SMARCA1: variants seen among roughly 807,000 people sequenced by gnomAD.
SMARCA1 encodes the protein SWI/SNF-related matrix-associated actin-dependent regulator of chromatin subfamily A member 1.
SMARCA1 carries 17 observed loss-of-function variants against 93.6 expected under a neutral mutation model. The ratio of observed to expected loss-of-function variants is 0.18; its 90% CI spans 0.12 to 0.27. The LOEUF (loss-of-function observed/expected upper bound fraction) is 0.27. Ranked by LOEUF, SMARCA1 falls within the 10% of genes least tolerant of loss-of-function variation. SMARCA1 has a pLI of 1.00. For missense variants in SMARCA1, 630 were observed against 819.0 expected (o/e 0.77, Z 2.82); for synonymous variants, 271 against 271.4 (o/e 1.00, Z 0.01).
intron 5 of SMARCA1, among the ~76,000 whole-genome samples, chrX:129,512,851 C>G (rs1469874979): frequency 8.9e-6 from 1 of 111,814 alleles, no homozygotes; most frequent in Admixed American, 9.6e-5. Context: ...TGCACAAAAA[C>G]TAAATTACAA....
Position 129,448,353 on chromosome X carries a change from G to A in SMARCA1, c.3121C>T (p.Arg1041Trp), listed in dbSNP as rs970330289. 3 of 1,203,869 alleles carry A rather than the reference G, an allele frequency of 2.5e-6. No homozygotes were observed. Among genetic ancestry groups the A allele is most frequent in the Admixed American group, 2.2e-5 (1 of 45,740 alleles). Residue 1041 changes from arginine to tryptophan, a missense_variant, in exon 24 of 25, where the codon CGG becomes TGG. Coordinates refer to ENST00000371121, the MANE Select transcript of SMARCA1 (RefSeq NM_001282874.2). ...EERERAEKKK[R>W]ATKTPMSQKR... Reference sequence around the variant, plus strand: ...TTTACCATTGGAGTTTTAGTTGCCCGTTTCTTCTTTTCTGCTCTCTCTCTT... The same window carrying A: ...TTTACCATTGGAGTTTTAGTTGCCCATTTCTTCTTTTCTGCTCTCTCTCTT...
rs1417703311 is a variant in SMARCA1 at position 129,465,746 on chromosome X, CA to C, written c.2818-15del. The C allele has an allele frequency of 8.9e-7, 1 of 1,117,737 alleles. No individual in the cohort carries two copies. The highest frequency in any genetic ancestry group is 2.7e-5 in the Admixed American group (1 of 36,865). The allele number at this position is 1,117,737 out of a possible 1,213,427, so 92.1% of individuals were successfully genotyped here. A position where few individuals can be genotyped will look rare whatever the true frequency, so the allele number is the denominator to read the frequency against. ...GTATCTTGCAATCTGTGTATTTAAA[CA>C]AAATAGTGCTTTTAATTGAATGTGC... On this transcript the variant is annotated splice_polypyrimidine_tract_variant and intron_variant, in intron 22 of 24. Coordinates refer to ENST00000371121, the MANE Select transcript of SMARCA1 (RefSeq NM_001282874.2).
rs769064192 is a variant in SMARCA1 at position 129,487,592 on chromosome X, C to T, written c.2098-455G>A. On this transcript the variant is annotated intron_variant, in intron 16 of 24. Coordinates refer to ENST00000371121, the MANE Select transcript of SMARCA1 (RefSeq NM_001282874.2). ...ACCAGTTTACAAGATATGCAACAAA[C>T]ATAGTAAAATACACCATGGAGATGA... Among the ~76,000 whole-genome samples, 52 of 112,298 alleles carry T rather than the reference C, an allele frequency of 4.6e-4. 1 individual carries two copies. Among genetic ancestry groups the T allele is most frequent in the Non-Finnish European group, 1.9e-4 (10 of 53,187 alleles).
Position 129,506,689 on chromosome X carries a change from C to CAA in SMARCA1, c.967-480_967-479dup, listed in dbSNP as rs1484081895. On this transcript the variant is annotated intron_variant, in intron 7 of 24. Transcript: ENST00000371121. The stretch of plus-strand genomic sequence containing the variant: ...TGGGCAACGGAGTGAAACTCCGTCT[C>CAA]AAAAAAAAAAAAAAAAAAAAAAAAA... Among the ~76,000 whole-genome samples the CAA allele has an allele frequency of 1.9e-3, 89 of 46,291 alleles. 1 individual carries two copies. The highest frequency in any genetic ancestry group is 3.5e-3 in the African/African-American group (41 of 11,607). The allele number at this position is 46,291 out of a possible 115,157, so 40.2% of individuals were successfully genotyped here.
chrX:129,472,761 T>C (rs964987897), intron 19 of SMARCA1, among the ~76,000 whole-genome samples: 2 of 112,296 alleles, frequency 1.8e-5, no homozygotes, highest in Non-Finnish European at 3.8e-5. Flanking sequence ...ATTTGCATTA[T>C]ACTTATCTGT....
chrX:129,496,833 G>T lies in SMARCA1; in HGVS notation c.1543C>A (p.Leu515Met). 8.3e-7 allele frequency: 1 copy of T among 1,205,478 alleles called. No individual in the cohort carries two copies. The highest frequency in any genetic ancestry group is 1.1e-6 in the Non-Finnish European group (1 of 890,466). The change falls in exon 12 of 25, where the codon CTG (leucine) becomes ATG (methionine). Residue 515 changes from leucine to methionine, a missense_variant. Leu to Met is a conservative substitution (Grantham distance 15, BLOSUM62 2). Transcript: ENST00000371121. ...ATGCAATAATCTTCCAAAATATCCA[G>T]CAAGCGAGTCATCTGGCTGAAAATG... ...VLIFSQMTRL[L>M]DILEDYCMWR...
At chrX:129,512,070 T>C in intron 5 of SMARCA1, 87 bp from the exon 6 acceptor site, 1 of 720,344 alleles carries the variant, frequency 1.4e-6, no homozygotes, top group South Asian at 3.0e-5. Flanking sequence ...AAAAGATCTT[T>C]GTCCACTATC....
rs1020281577 is a variant in SMARCA1, at chrX:129,512,087, A to G, written c.631-104T>C. 5.0e-6 allele frequency: 3 copies of G among 600,342 alleles called. No individual in the cohort carries two copies. In the African/African-American group the frequency reaches 6.8e-5, roughly 14 times the overall value. The allele number at this position is 600,342 out of a possible 1,213,427, so 49.5% of individuals were successfully genotyped here. On this transcript the variant is annotated intron_variant, in intron 5 of 24. Coordinates refer to ENST00000371121, the MANE Select transcript of SMARCA1 (RefSeq NM_001282874.2). Reference sequence around the variant, plus strand: ...AAGATCTTTGTCCACTATCTCGCAAAGGCAATTATGTTTCTACCAATGAAA... The same window carrying G: ...AAGATCTTTGTCCACTATCTCGCAAGGGCAATTATGTTTCTACCAATGAAA...
At chrX:129,506,362 G>A (rs1934808613) in intron 7 of SMARCA1, 151 bp from the exon 8 acceptor site, 1 of 446,324 alleles carries the variant, frequency 2.2e-6, no homozygotes, top group Non-Finnish European at 3.9e-6. Context: ...TGACAATGCT[G>A]CAGTGAGGCA....
chrX:129,486,835 T>TAATGAC (rs1556303916), intron 17 of SMARCA1, among the ~76,000 whole-genome samples, 183 bp downstream of exon 17: 6 of 109,922 alleles, frequency 5.5e-5, no homozygotes, highest in African/African-American at 1.7e-4. Flanking sequence ...ATGATGATGA[T>TAATGAC]GACGACGACG....
intron 9 of SMARCA1, among the ~76,000 whole-genome samples, chrX:129,501,257 G>A (rs935214883): frequency 3.6e-5 from 4 of 110,024 alleles, no homozygotes; most frequent in Admixed American, 9.7e-5. Context: ...TTTCCTCATC[G>A]GTTCATCCAA....
chrX:129,467,806 G>A (rs12689665), intron 21 of SMARCA1, among the ~76,000 whole-genome samples: 1,969 of 111,106 alleles, frequency 0.018, 45 homozygotes, highest in East Asian at 0.15. Flanking sequence ...AATTTCAGTG[G>A]TAGGGTTAAA....
intron 23 of SMARCA1, among the ~76,000 whole-genome samples, chrX:129,452,171 G>A (rs1473338160): frequency 8.9e-6 from 1 of 112,636 alleles, no homozygotes; most frequent in Admixed American, 9.4e-5. Flanking sequence ...ATTTCATGAT[G>A]TCAAAAGCAC....
chrX:129,459,288 A>C (rs1384041318), intron 23 of SMARCA1, among the ~76,000 whole-genome samples: 1 of 111,422 alleles, frequency 9.0e-6, no homozygotes, highest in Non-Finnish European at 1.9e-5. Context: ...GCGTGGTGAC[A>C]CATGCCTGTA....
intron 7 of SMARCA1, among the ~76,000 whole-genome samples, chrX:129,507,400 C>A (rs959638733): frequency 4.5e-5 from 5 of 112,209 alleles, no homozygotes; most frequent in Admixed American, 9.5e-5. Flanking sequence ...TAAATATTCT[C>A]AACAATATTA....
At chrX:129,450,925 G>A (rs1011069129) in intron 23 of SMARCA1, among the ~76,000 whole-genome samples, 10 of 111,267 alleles carry the variant, frequency 9.0e-5, no homozygotes, top group Non-Finnish European at 1.9e-4. Context: ...ATACAACATA[G>A]GAAATGTAAG....
chrX:129,475,113 A>T (rs1009560665), intron 19 of SMARCA1, among the ~76,000 whole-genome samples: 22 of 110,105 alleles, frequency 2.0e-4, no homozygotes, highest in African/African-American at 7.2e-4. Context: ...TCCTATAAAA[A>T]AAAACCTTAA....
chrX:129,492,019 G>A lies in SMARCA1; in HGVS notation c.1737C>T (p.Leu579=), dbSNP rs1454559272. The change falls in exon 14 of 25, where the codon CTC becomes CTT. Residue 579 remains leucine, a synonymous_variant. Coordinates refer to ENST00000371121, the MANE Select transcript of SMARCA1 (RefSeq NM_001282874.2). The part of the protein sequence containing the change: ...IFMLSTRAGG[L]GINLASADVV... ...CATCAGCACTTGCCAGGTTAATTCC[G>A]AGACCTCCAGCCCTGGTACTTAGCA... 3.1e-5 allele frequency: 37 copies of A among 1,186,630 alleles called. No individual in the cohort carries two copies. The East Asian group carries it at 7.4e-4, about 24-fold the overall frequency.
At position 129,471,205 on chromosome X, in the gene SMARCA1, T is replaced by C. The variant is rs777114209; in HGVS notation, c.2564A>G (p.Gln855Arg). ...TTACAGCCATTGAAAATATTTTACTTGTGTGAGAAGTTTTTCCTTTTCTTC... is the reference window on the plus strand; with the variant it reads ...TTACAGCCATTGAAAATATTTTACTCGTGTGAGAAGTTTTTCCTTTTCTTC... ...ETEEKEKLLT[Q>R]GFTNWTKRDF... The change falls in exon 20 of 25, where the codon CAA becomes CGA. Residue 855 changes from glutamine (Q) to arginine (R), a missense_variant and splice_region_variant. Physicochemically the swap from Gln to Arg is conservative, Grantham distance 43. Around this residue, in one of 4 missense-constraint regions of SMARCA1, gnomAD observed 52 missense variants for 38.3 expected, o/e 1.36. Coordinates refer to ENST00000371121, the MANE Select transcript of SMARCA1 (RefSeq NM_001282874.2). The C allele has an allele frequency of 8.4e-7, 1 of 1,187,422 alleles. No individual in the cohort carries two copies. The highest frequency in any genetic ancestry group is 3.0e-5 in the East Asian group (1 of 33,505).
Sources: gnomAD v4.1 joint callset for allele counts (sites outside exome capture counted in the v4.1 genomes callset) on GRCh38, gnomAD v4.1.1 for gene constraint, gnomAD v4.1.1 regional missense constraint, MANE v1.5 for transcripts, NCBI Gene and HGNC (gene_info 2026-07-23, HGNC 2026-07-21) for gene names.